The following BABAM2 variants were observed in gnomAD, a reference collection of about 807,000 sequenced individuals.
BABAM2 encodes BRISC and BRCA1-A complex member 2.
BABAM2 carries 31 observed loss-of-function variants against 54.7 expected under a neutral mutation model. The ratio of observed to expected loss-of-function variants is 0.57; its 90% CI spans 0.43 to 0.77. The LOEUF is 0.77. BABAM2 is among the 30% of genes least tolerant of loss of function. The pLI is 0.00. For missense variants in BABAM2, 364 were observed against 455.8 expected, an observed-to-expected ratio of 0.80 and a Z score of 1.83; for synonymous variants, 167 against 162.9, an observed-to-expected ratio of 1.03 and a Z score of -0.19.
chr2:28,330,458 TAAGCTGAC>T (rs1393556012), intron 11 of BABAM2, among the ~76,000 whole-genome samples: 5 of 152,216 alleles, frequency 3.3e-5, no homozygotes, highest in Admixed American at 3.3e-4. Flanking sequence ...AAAAGCTTCT[TAAGCTGAC>T]AAGCAACTTC....
At chr2:28,103,994 C>T (rs1383636318) in intron 6 of BABAM2, among the ~76,000 whole-genome samples, 1 of 152,074 alleles carries the variant, frequency 6.6e-6, no homozygotes, top group Non-Finnish European at 1.5e-5. Context: ...TTTTTTAACC[C>T]TTATATTCTG....
At chr2:27,940,830 G>A (rs534607312) in intron 3 of BABAM2, among the ~76,000 whole-genome samples, 1 of 152,316 alleles carries the variant, frequency 6.6e-6, no homozygotes, top group Non-Finnish European at 1.5e-5. Context: ...GGAACTGGAA[G>A]GCTGGTAGAC....
At chr2:28,328,206 G>A (rs181153675) in intron 11 of BABAM2, among the ~76,000 whole-genome samples, 2,369 of 152,224 alleles carry the variant, frequency 0.016, 32 homozygotes, top group Middle Eastern at 0.065. Flanking sequence ...TTACAGTGGC[G>A]GTTCAGGACA....
In BABAM2 at chr2:28,325,855, G is replaced by A. The variant is rs1230824647; in HGVS notation, c.1089-12595G>A. Among the ~76,000 whole-genome samples the A allele has an allele frequency of 6.6e-6, 1 of 152,216 alleles. No homozygotes were observed. Among genetic ancestry groups the A allele is most frequent in the Non-Finnish European group, 1.5e-5 (1 of 68,038 alleles). On this transcript the variant is annotated intron_variant, in intron 11 of 11. Coordinates refer to ENST00000379624, the MANE Select transcript of BABAM2 (RefSeq NM_199191.3). The surrounding 1 kb of genome is among the most constrained non-coding windows in gnomAD (Gnocchi z 4.3). ...GGCCTCTGGATGCTGAGATCTGGTG[G>A]AAGAAAGTGAACTTACAACCAGGCA...
intron 7 of BABAM2, among the ~76,000 whole-genome samples, chr2:28,210,047 T>C (rs1679276910): frequency 6.6e-6 from 1 of 152,220 alleles, no homozygotes; most frequent in Non-Finnish European, 1.5e-5. Context: ...TCCATTCTTT[T>C]TGCACTTCCT....
At chr2:28,214,058 A>C (rs1679715494) in intron 7 of BABAM2, among the ~76,000 whole-genome samples, 1 of 152,136 alleles carries the variant, frequency 6.6e-6, no homozygotes, top group Non-Finnish European at 1.5e-5. Context: ...GATATTTTAT[A>C]TGGCTGCCGT....
chr2:28,225,699 C>G (rs979972891), intron 7 of BABAM2, among the ~76,000 whole-genome samples: 1 of 151,464 alleles, frequency 6.6e-6, no homozygotes, highest in African/African-American at 2.4e-5. Context: ...ATAAATAGCT[C>G]CCTCTTGCAC....
chr2:28,069,047 A>G (rs1663886579), intron 6 of BABAM2, among the ~76,000 whole-genome samples: 1 of 152,168 alleles, frequency 6.6e-6, no homozygotes, highest in Non-Finnish European at 1.5e-5. Flanking sequence ...ATCCATGTAT[A>G]TTTACATATC....
At chr2:28,057,166 G>A (rs1382641315) in intron 6 of BABAM2, among the ~76,000 whole-genome samples, 1 of 152,042 alleles carries the variant, frequency 6.6e-6, no homozygotes, top group Non-Finnish European at 1.5e-5. Flanking sequence ...CTTAAACTGT[G>A]GTGCCCAAAA....
At chr2:28,060,956 T>C (rs1334442391) in intron 6 of BABAM2, among the ~76,000 whole-genome samples, 14 of 152,144 alleles carry the variant, frequency 9.2e-5, no homozygotes, top group Admixed American at 9.2e-4. Context: ...TCAGCAGAAA[T>C]TGTAAAAATT....
At chr2:27,890,018 T>C, upstream of BABAM2, 1 of 458,352 alleles carries the variant, frequency 2.2e-6, no homozygotes, top group Non-Finnish European at 3.9e-6. This position sits in a 1 kb window ranked among gnomAD's most constrained non-coding sequence, Gnocchi z 4.8. Context: ...CTTTGAGTAA[T>C]ATTAGAGCTT....
At chr2:27,914,298 G>A (rs537887355) in intron 2 of BABAM2, among the ~76,000 whole-genome samples, 1 of 152,244 alleles carries the variant, frequency 6.6e-6, no homozygotes, top group South Asian at 2.1e-4. Context: ...GAAACCCTTT[G>A]CCTTGCCACT....
intron 10 of BABAM2, among the ~76,000 whole-genome samples, chr2:28,283,569 T>C (rs1394497149): frequency 6.6e-6 from 1 of 152,222 alleles, no homozygotes; most frequent in Non-Finnish European, 1.5e-5. Context: ...TGTTAGTTTG[T>C]TTCAAGTCCC....
At chr2:28,048,802 C>A (rs1416239595) in intron 6 of BABAM2, among the ~76,000 whole-genome samples, 75 of 152,152 alleles carry the variant, frequency 4.9e-4, no homozygotes, top group Non-Finnish European at 1.0e-4. Context: ...AGTTACTGAA[C>A]CAAAGAAAGA....
intron 3 of BABAM2, among the ~76,000 whole-genome samples, chr2:27,960,964 C>T (rs891300404): frequency 1.3e-5 from 2 of 152,338 alleles, no homozygotes; most frequent in Non-Finnish European, 2.9e-5. Flanking sequence ...CTATCAGATG[C>T]TAATGCCTTC....
At chr2:28,290,707 GA>G (rs1317717298) in intron 10 of BABAM2, among the ~76,000 whole-genome samples, 1 of 152,182 alleles carries the variant, frequency 6.6e-6, no homozygotes, top group Admixed American at 6.5e-5. Flanking sequence ...TGCATTTTCA[GA>G]AATGAGGTTT....
chr2:28,034,267 A>G (rs1331073251), intron 5 of BABAM2, among the ~76,000 whole-genome samples: 1 of 152,004 alleles, frequency 6.6e-6, no homozygotes. Context: ...TCATTCTGCC[A>G]CCCGTTCTTT....
At chr2:28,274,677 C>T (rs1320514940) in intron 10 of BABAM2, among the ~76,000 whole-genome samples, 4 of 152,156 alleles carry the variant, frequency 2.6e-5, no homozygotes, top group Non-Finnish European at 4.4e-5. Context: ...TTGTTATGCA[C>T]AGCGCCTGGC....
At chr2:28,265,975 T>G (rs1450956413) in intron 10 of BABAM2, among the ~76,000 whole-genome samples, 2 of 151,980 alleles carry the variant, frequency 1.3e-5, no homozygotes, top group African/African-American at 4.8e-5. Context: ...TATAAGTACA[T>G]ATTCTTAGTT....
Sources: allele counts gnomAD v4.1 joint callset (sites outside exome capture counted in the v4.1 genomes callset), GRCh38; gene constraint gnomAD v4.1.1; non-coding constraint Gnocchi (gnomAD v3.1); transcripts MANE v1.5; gene names NCBI Gene and HGNC (gene_info 2026-07-23, HGNC 2026-07-21).